Variants in SNTG1 observed in about 807,000 individuals in gnomAD.
The protein encoded by SNTG1 is syntrophin gamma 1.
In SNTG1, 39 loss-of-function variants were observed where a neutral mutation model predicts 74.7. That is an observed-to-expected ratio of 0.52 (90% CI 0.40 to 0.68). SNTG1 has a LOEUF of 0.68. Ranked by LOEUF, SNTG1 falls within the 30% of genes least tolerant of loss-of-function variation. SNTG1 has a pLI of 0.00. For synonymous variants in SNTG1, 254 were observed against 217.1 expected, an observed-to-expected ratio of 1.17 and a Z score of -1.49; for missense variants, 685 against 609.5, an observed-to-expected ratio of 1.12 and a Z score of -1.30.
intron 4 of SNTG1, among the ~76,000 whole-genome samples, chr8:50,433,968 C>T (rs1256939936): frequency 6.6e-6 from 1 of 152,070 alleles, no homozygotes; most frequent in Non-Finnish European, 1.5e-5. Context: ...TATACATGTG[C>T]CATGCTGGTG....
At chr8:50,416,380 G>C (rs1446714371) in intron 4 of SNTG1, among the ~76,000 whole-genome samples, 7 of 152,130 alleles carry the variant, frequency 4.6e-5, no homozygotes, top group Admixed American at 6.6e-5. Flanking sequence ...CAGTGGGCTT[G>C]GATCCACATA....
At chr8:50,755,005 T>C (rs996324886) in intron 18 of SNTG1, among the ~76,000 whole-genome samples, 1 of 151,718 alleles carries the variant, frequency 6.6e-6, no homozygotes, top group African/African-American at 2.4e-5. Flanking sequence ...TACAAAAATT[T>C]CCTGTATACC....
intron 1 of SNTG1, among the ~76,000 whole-genome samples, chr8:49,977,344 A>T (rs1812289171): frequency 6.6e-6 from 1 of 151,874 alleles, no homozygotes; most frequent in Non-Finnish European, 1.5e-5. Flanking sequence ...GCTTTTTTTC[A>T]TTCCCATTTT....
intron 2 of SNTG1, among the ~76,000 whole-genome samples, chr8:50,296,610 A>G (rs1043018402): frequency 6.6e-6 from 1 of 152,072 alleles, no homozygotes; most frequent in Non-Finnish European, 1.5e-5. Context: ...GGGGCCTGTC[A>G]GGAGGATGGA....
At chr8:50,248,538 G>A (rs1258342856) in intron 2 of SNTG1, among the ~76,000 whole-genome samples, 1 of 152,068 alleles carries the variant, frequency 6.6e-6, no homozygotes, top group Non-Finnish European at 1.5e-5. Context: ...CTCCAGTGAA[G>A]CCTTTTTCTA....
At chr8:50,115,567 CAAA>C (rs11386539) in intron 1 of SNTG1, among the ~76,000 whole-genome samples, 2,221 of 40,488 alleles carry the variant, frequency 0.055, 90 homozygotes, top group African/African-American at 0.14. Context: ...GACTCTGTCT[CAAA>C]AAAAAAAAAA....
rs896019968 is a variant in SNTG1, at chr8:50,497,154, C to T, written c.364-5624C>T. Among the ~76,000 whole-genome samples, 7 of 151,570 alleles carry T rather than the reference C, an allele frequency of 4.6e-5. No individual in the cohort carries two copies. In the South Asian group the frequency reaches 8.3e-4, roughly 18 times the overall value. ...AGGGTGAGATTTTATTATTGTTTAA[C>T]GTTCTTATATTTTTCACTTATACTT... On this transcript the variant is annotated intron_variant, in intron 8 of 18. Transcript: ENST00000642720.
At chr8:50,375,129 G>A in intron 2 of SNTG1, among the ~76,000 whole-genome samples, 1 of 152,182 alleles carries the variant, frequency 6.6e-6, no homozygotes, top group South Asian at 2.1e-4. Context: ...GAACATGCAG[G>A]GCAAAATAGT....
At chr8:50,762,097 G>T (rs2095600603) in intron 18 of SNTG1, among the ~76,000 whole-genome samples, 1 of 151,568 alleles carries the variant, frequency 6.6e-6, no homozygotes, top group African/African-American at 2.4e-5. Flanking sequence ...AATCTTGCTT[G>T]GTTCTGAGAC....
chr8:50,515,860 G>A (rs893450951), intron 9 of SNTG1, among the ~76,000 whole-genome samples: 2 of 152,060 alleles, frequency 1.3e-5, no homozygotes, highest in African/African-American at 4.8e-5. Context: ...GGGGGAAGGG[G>A]CGGCTGTGGG....
intron 1 of SNTG1, among the ~76,000 whole-genome samples, chr8:50,031,318 G>A (rs911026681): frequency 6.6e-6 from 1 of 151,812 alleles, no homozygotes; most frequent in African/African-American, 2.4e-5. Context: ...TTCCAGATTT[G>A]TATGTCTTTT....
chr8:50,182,015 T>G (rs1000745065), intron 2 of SNTG1, among the ~76,000 whole-genome samples: 1 of 152,164 alleles, frequency 6.6e-6, no homozygotes, highest in African/African-American at 2.4e-5. Context: ...ATTTTCAAAA[T>G]TATTCTACAC....
chr8:50,112,852 C>A (rs1011961243), intron 1 of SNTG1, among the ~76,000 whole-genome samples: 1 of 152,058 alleles, frequency 6.6e-6, no homozygotes, highest in Non-Finnish European at 1.5e-5. Flanking sequence ...AATAGGGAAT[C>A]CTTTCCCCAT....
intron 8 of SNTG1, among the ~76,000 whole-genome samples, chr8:50,452,045 A>G (rs1435555401): frequency 2.6e-5 from 4 of 152,348 alleles, no homozygotes; most frequent in African/African-American, 9.6e-5. Flanking sequence ...AACTATGTTG[A>G]TACATTTCAC....
rs1029475378 is a variant in SNTG1 at position 50,330,381 on chromosome 8, T to A, written c.-27-63831T>A. Among the ~76,000 whole-genome samples, 5 of 152,182 alleles carry A rather than the reference T, an allele frequency of 3.3e-5. No homozygotes were observed. In the South Asian group the frequency reaches 6.2e-4, roughly 19 times the overall value. On this transcript the variant is annotated intron_variant, in intron 2 of 18. Transcript: ENST00000642720. ...TCTTTATAAATTAACCAGTGTCAGG[T>A]TTGTCTTTATTTGCAGCATGAGAAC...
intron 15 of SNTG1, among the ~76,000 whole-genome samples, chr8:50,701,211 T>C (rs1266822626): frequency 6.6e-6 from 1 of 152,244 alleles, no homozygotes; most frequent in Non-Finnish European, 1.5e-5. Flanking sequence ...CGTTTAGTTA[T>C]AGATTTTTGC....
At chr8:50,523,473 A>AGAGGCCATT (rs1379335635) in intron 9 of SNTG1, among the ~76,000 whole-genome samples, 10 of 152,186 alleles carry the variant, frequency 6.6e-5, no homozygotes, top group African/African-American at 2.4e-4. Flanking sequence ...TTGAACACTT[A>AGAGGCCATT]GAGGCCATTG....
intron 3 of SNTG1, among the ~76,000 whole-genome samples, chr8:50,395,770 C>T (rs2092721300): frequency 6.6e-6 from 1 of 152,176 alleles, no homozygotes; most frequent in African/African-American, 2.4e-5. Flanking sequence ...CTCGGCCTCC[C>T]AAAGTGCTGG....
intron 8 of SNTG1, among the ~76,000 whole-genome samples, chr8:50,467,569 A>G (rs1379875574): frequency 6.6e-6 from 1 of 151,188 alleles, no homozygotes; most frequent in Admixed American, 6.6e-5. Context: ...CATTTTCTTT[A>G]TCTTTTCAAA....
Sources: gnomAD v4.1 joint callset for allele counts (sites outside exome capture counted in the v4.1 genomes callset) on GRCh38, gnomAD v4.1.1 for gene constraint, MANE v1.5 for transcripts, NCBI Gene and HGNC (gene_info 2026-07-23, HGNC 2026-07-21) for gene names.